The following MAGI3 variants were observed in gnomAD, a reference collection of about 807,000 sequenced individuals.
MAGI3 encodes membrane-associated guanylate kinase, WW and PDZ domain-containing protein 3.
In MAGI3, 43 loss-of-function variants were observed where a neutral mutation model predicts 121.8. The ratio of observed to expected loss-of-function variants is 0.35; its 90% CI spans 0.28 to 0.46. The LOEUF (loss-of-function observed/expected upper bound fraction) is 0.46. MAGI3 is among the 20% of genes least tolerant of loss of function. MAGI3 has a pLI of 1.00. For missense variants in MAGI3, 1,547 were observed against 1,797.3 expected (o/e 0.86, Z 2.52); for synonymous variants, 553 against 639.3 (o/e 0.86, Z 2.04).
chr1:113,403,440 A>G (rs1035128878), intron 1 of MAGI3, among the ~76,000 whole-genome samples: 8 of 152,268 alleles, frequency 5.3e-5, no homozygotes, highest in African/African-American at 1.9e-4. Flanking sequence ...TAAAATAATT[A>G]GAAAATGATT....
chr1:113,518,184 G>C (rs1309172344), intron 1 of MAGI3, among the ~76,000 whole-genome samples: 1 of 152,000 alleles, frequency 6.6e-6, no homozygotes, highest in Non-Finnish European at 1.5e-5. Context: ...CTATCTTTCT[G>C]TTCCCATGGT....
chr1:113,681,242 A>T lies in MAGI3; in HGVS notation c.3234A>T (p.Gly1078=), dbSNP rs199840030. Residue 1078 remains glycine, a synonymous_variant, in exon 20 of 21, where the codon GGA becomes GGT. Transcript: ENST00000307546. Reference sequence around the variant, plus strand: ...AAATCAATGGGGAACCTACACAAGGAATCACACATACTCGAGCAATTGAGC... The same window carrying T: ...AAATCAATGGGGAACCTACACAAGGTATCACACATACTCGAGCAATTGAGC... ...IVEINGEPTQ[G]ITHTRAIELI... is the part of the protein sequence containing the mutation. 1.9e-6 allele frequency: 3 copies of T among 1,614,080 alleles called. No homozygotes were observed. The highest frequency in any genetic ancestry group is 2.5e-6 in the Non-Finnish European group (3 of 1,180,004).
At chr1:113,518,102 A>G (rs1237141163) in intron 1 of MAGI3, among the ~76,000 whole-genome samples, 1 of 152,068 alleles carries the variant, frequency 6.6e-6, no homozygotes, top group Non-Finnish European at 1.5e-5. Flanking sequence ...GTGGTAATAC[A>G]AATAACACAC....
chr1:113,623,380 T>G (rs1317221208), intron 9 of MAGI3, among the ~76,000 whole-genome samples: 1 of 151,260 alleles, frequency 6.6e-6, no homozygotes, highest in Non-Finnish European at 1.5e-5. Context: ...AAAAACTAGG[T>G]CTTATTCATT....
chr1:113,396,209 A>G (rs1221625005), intron 1 of MAGI3, among the ~76,000 whole-genome samples: 1 of 151,088 alleles, frequency 6.6e-6, no homozygotes. Context: ...GTGTTTTGGG[A>G]GTATGTTGAA....
intron 1 of MAGI3, among the ~76,000 whole-genome samples, chr1:113,522,169 G>A (rs976476769): frequency 2.4e-4 from 37 of 152,294 alleles, no homozygotes; most frequent in African/African-American, 8.7e-4. Flanking sequence ...GCAGTGGCAC[G>A]ATCTCTATTC....
At chr1:113,553,395 CTG>C (rs768742432) in intron 2 of MAGI3, among the ~76,000 whole-genome samples, 1 of 152,142 alleles carries the variant, frequency 6.6e-6, no homozygotes, top group Non-Finnish European at 1.5e-5. Flanking sequence ...CCCCTTGACT[CTG>C]TGGCTGAATA....
At chr1:113,404,709 C>T (rs1651582293) in intron 1 of MAGI3, among the ~76,000 whole-genome samples, 1 of 151,934 alleles carries the variant, frequency 6.6e-6, no homozygotes, top group African/African-American at 2.4e-5. Flanking sequence ...CATGTACAAA[C>T]TAAAATTATG....
At chr1:113,639,942 T>G (rs1652347446) in intron 9 of MAGI3, among the ~76,000 whole-genome samples, 2 of 152,080 alleles carry the variant, frequency 1.3e-5, no homozygotes, top group African/African-American at 4.8e-5. Context: ...TGACCTCAGG[T>G]GTACTGGGAT....
chr1:113,432,518 G>A (rs1234251174), intron 1 of MAGI3, among the ~76,000 whole-genome samples: 3 of 152,006 alleles, frequency 2.0e-5, no homozygotes, highest in African/African-American at 7.2e-5. Flanking sequence ...GATAGGGAAG[G>A]GTTGTTTTTA....
rs568913934 is a variant in MAGI3, at chr1:113,423,540, G to A, written c.316+32191G>A. On this transcript the variant is annotated intron_variant, in intron 1 of 20. Coordinates refer to ENST00000307546, the MANE Select transcript of MAGI3 (RefSeq NM_001142782.2). ...CCCACCTCAGCGTCCCAAAGTGCTG[G>A]GATTACAGGCGTGAGCCACTGGGCC... Among the ~76,000 whole-genome samples the A allele has an allele frequency of 3.3e-5, 5 of 152,272 alleles. No homozygotes were observed. In the East Asian group the frequency reaches 9.7e-4, roughly 29 times the overall value.
At chr1:113,452,053 T>C (rs1432623472) in intron 1 of MAGI3, among the ~76,000 whole-genome samples, 1 of 152,206 alleles carries the variant, frequency 6.6e-6, no homozygotes, top group Non-Finnish European at 1.5e-5. Flanking sequence ...TGGAGTGATA[T>C]TCTTTGCTTA....
At chr1:113,542,001 C>T (rs536178737) in intron 1 of MAGI3, among the ~76,000 whole-genome samples, 2 of 152,122 alleles carry the variant, frequency 1.3e-5, no homozygotes, top group Non-Finnish European at 2.9e-5. Context: ...CTTGCTGGCT[C>T]CTATTTATCT....
Position 113,660,034 on chromosome 1 carries a change from C to T in MAGI3, c.2815+769C>T, listed in dbSNP as rs552155516. On this transcript the variant is annotated intron_variant, in intron 16 of 20. Transcript: ENST00000307546. ...ATGTGTATTCATGTTCCATTTTCTC[C>T]CATGACCCTCTAATCTAGTTGGTTT... 1.6e-4 allele frequency among the ~76,000 whole-genome samples: 24 copies of T among 152,204 alleles called. No homozygotes were observed. In the South Asian group the frequency reaches 5.0e-3, roughly 32 times the overall value.
chr1:113,486,091 G>T (rs1656366673), intron 1 of MAGI3, among the ~76,000 whole-genome samples: 1 of 152,168 alleles, frequency 6.6e-6, no homozygotes, highest in South Asian at 2.1e-4. Flanking sequence ...TTGAAGTCAG[G>T]TAATGTGATG....
intron 16 of MAGI3, among the ~76,000 whole-genome samples, chr1:113,662,476 A>T (rs1410598124): frequency 3.3e-5 from 5 of 152,306 alleles, no homozygotes; most frequent in African/African-American, 9.6e-5. Flanking sequence ...TTAATTTCAA[A>T]TTTTTTGTCA....
chr1:113,682,849 T>C, intron 20 of MAGI3, 48 bp from the exon 21 acceptor site: 1 of 1,492,500 alleles, frequency 6.7e-7, no homozygotes, highest in Non-Finnish European at 8.9e-7. Context: ...ATTGTTCCTA[T>C]TTGTAATTCT....
intron 16 of MAGI3, among the ~76,000 whole-genome samples, chr1:113,671,411 A>T (rs1647543968): frequency 6.6e-6 from 1 of 152,108 alleles, no homozygotes; most frequent in South Asian, 2.1e-4. Flanking sequence ...AATAGGCAAC[A>T]GTATAGTTCC....
At chr1:113,561,039 A>G (rs1486174731) in intron 2 of MAGI3, among the ~76,000 whole-genome samples, 2 of 152,226 alleles carry the variant, frequency 1.3e-5, no homozygotes, top group Admixed American at 6.5e-5. Flanking sequence ...ATTCCTGGAC[A>G]TATACACCCT....
Sources: gnomAD v4.1 joint callset for allele counts (sites outside exome capture counted in the v4.1 genomes callset) on GRCh38, gnomAD v4.1.1 for gene constraint, MANE v1.5 for transcripts, NCBI Gene and HGNC (gene_info 2026-07-23, HGNC 2026-07-21) for gene names.